PTPRF: variants seen among roughly 807,000 people sequenced by gnomAD.
PTPRF encodes the protein receptor-type tyrosine-protein phosphatase F.
PTPRF carries 59 observed loss-of-function variants against 201.8 expected under a neutral mutation model. The observed-to-expected ratio is 0.29, with a 90% CI of 0.24 to 0.36. The LOEUF (loss-of-function observed/expected upper bound fraction) is 0.36. Ranked by LOEUF, PTPRF falls within the 10% of genes least tolerant of loss-of-function variation. PTPRF has a pLI of 1.00. For synonymous variants in PTPRF, 1,088 were observed against 1,089.7 expected, an observed-to-expected ratio of 1.00 and a Z score of 0.03; for missense variants, 2,132 against 2,690.5, an observed-to-expected ratio of 0.79 and a Z score of 4.59.
intron 33 of PTPRF, 111 bp from the exon 34 acceptor site, chr1:43,621,824 A>G (rs1659283049): frequency 9.4e-7 from 1 of 1,068,804 alleles, no homozygotes; most frequent in Admixed American, 1.9e-5. Context: ...AGGGTCCAGC[A>G]CCTGCTCTTG....
chr1:43,576,400 G>A (rs568102095), intron 6 of PTPRF, among the ~76,000 whole-genome samples: 1 of 152,208 alleles, frequency 6.6e-6, no homozygotes, highest in Non-Finnish European at 1.5e-5. Context: ...GTAGAATGAG[G>A]ATCATCCCTT....
chr1:43,524,071 A>G (rs1191216022), upstream of PTPRF, among the ~76,000 whole-genome samples: 1 of 142,040 alleles, frequency 7.0e-6, no homozygotes, highest in African/African-American at 2.5e-5. Context: ...AAAAAAAAAA[A>G]AAAGGAAGAA....
chr1:43,606,823 G>A lies in PTPRF; in HGVS notation c.3712G>A (p.Ala1238Thr), dbSNP rs199960147. The A allele has an allele frequency of 2.2e-4, 352 of 1,613,490 alleles. No individual in the cohort carries two copies. The highest frequency in any genetic ancestry group is 2.9e-4 in the Non-Finnish European group (341 of 1,179,908). The part of the protein sequence containing the change: ...LKEPMDQKRY[A>T]SSPYSDEIVV... ...CTCCACCGGGCCACAGAAGCGCTAT[G>A]CCTCCAGCCCCTACTCGGATGAGAT... The change falls in exon 21 of 34, where the codon GCC becomes ACC. Residue 1238 changes from alanine (A) to threonine (T), a missense_variant. Physicochemically the swap from Ala to Thr is moderately conservative, Grantham distance 58 (BLOSUM62 0). Transcript: ENST00000359947.
At chr1:43,600,429 C>G (rs1653468088) in intron 13 of PTPRF, among the ~76,000 whole-genome samples, 1 of 150,912 alleles carries the variant, frequency 6.6e-6, no homozygotes, top group Non-Finnish European at 1.5e-5. Flanking sequence ...GTCTGGGCTC[C>G]CGGAGGACAC....
intron 20 of PTPRF, 71 bp downstream of exon 20, chr1:43,606,529 A>T: frequency 7.1e-7 from 1 of 1,418,278 alleles, no homozygotes; most frequent in Non-Finnish European, 9.7e-7. Flanking sequence ...GCCAGTCTCA[A>T]ACACCACAAG....
Position 43,533,021 on chromosome 1 carries a change from T to C in PTPRF, c.-126+1931T>C, listed in dbSNP as rs145403753. 1.6e-4 allele frequency among the ~76,000 whole-genome samples: 24 copies of C among 152,366 alleles called. No individual in the cohort carries two copies. In the South Asian group the frequency reaches 3.3e-3, roughly 21 times the overall value. On this transcript the variant is annotated intron_variant, in intron 1 of 33. Transcript: ENST00000359947. ...CATGCACAGTCATCCTTGTGTATTT[T>C]TGTATATGCACTTTCTTGCACATTT...
At chr1:43,561,540 A>C (rs949533484) in intron 5 of PTPRF, among the ~76,000 whole-genome samples, 1 of 152,142 alleles carries the variant, frequency 6.6e-6, no homozygotes, top group Non-Finnish European at 1.5e-5. Flanking sequence ...TTTGCAGCAC[A>C]GAGGATGTAG....
At chr1:43,605,080 G>A in intron 17 of PTPRF, 80 bp downstream of exon 17, 1 of 1,577,344 alleles carries the variant, frequency 6.3e-7, no homozygotes, top group South Asian at 1.1e-5. Flanking sequence ...TAACCCATGT[G>A]CATCCGGCTG....
chr1:43,592,082 T>A, intron 10 of PTPRF, 134 bp downstream of exon 10: 1 of 1,255,292 alleles, frequency 8.0e-7, no homozygotes. Flanking sequence ...GCTGGAGGCT[T>A]AGTGGTGCAT....
At chr1:43,618,388 C>T (rs903034270) in intron 25 of PTPRF, among the ~76,000 whole-genome samples, 2 of 152,184 alleles carry the variant, frequency 1.3e-5, no homozygotes, top group African/African-American at 4.8e-5. Context: ...CTGGTGCGAT[C>T]TGGCGTTGAA....
At chr1:43,559,893 C>CTGTG (rs61725582) in intron 5 of PTPRF, among the ~76,000 whole-genome samples, 3 of 143,988 alleles carry the variant, frequency 2.1e-5, no homozygotes, top group African/African-American at 7.8e-5. Flanking sequence ...ATGTATCAGG[C>CTGTG]TGTGTGTGTG....
At chr1:43,611,021 G>A (rs1215897601) in intron 22 of PTPRF, among the ~76,000 whole-genome samples, 2 of 152,252 alleles carry the variant, frequency 1.3e-5, no homozygotes, top group Non-Finnish European at 2.9e-5. Context: ...GCTCTGGCCT[G>A]TTATGGATAC....
chr1:43,592,978 G>T (rs763529336), intron 11 of PTPRF, among the ~76,000 whole-genome samples: 3 of 152,152 alleles, frequency 2.0e-5, no homozygotes, highest in Non-Finnish European at 4.4e-5. Context: ...TGCTTTGGCG[G>T]CTGTTTCTCC....
In PTPRF at chr1:43,553,977, G is replaced by T; in HGVS notation, c.379+36G>T. 6.2e-7 allele frequency: 1 copy of T among 1,608,748 alleles called. No individual in the cohort carries two copies. The highest frequency in any genetic ancestry group is 1.1e-5 in the South Asian group (1 of 90,660). ...GGGAGACGTGGCACGGTGGGCTGCC[G>T]GGCTGAGGCGTGGGAAGAGCCAGCC... is the stretch of plus-strand genomic sequence containing the variant. On this transcript the variant is annotated intron_variant, in intron 5 of 33. Coordinates refer to ENST00000359947, the MANE Select transcript of PTPRF (RefSeq NM_002840.5). The surrounding 1 kb of genome is among the most constrained non-coding windows in gnomAD (Gnocchi z 4.1).
At chr1:43,598,452 A>C (rs1570491984) in intron 12 of PTPRF, 1 of 514,546 alleles carries the variant, frequency 1.9e-6, no homozygotes, top group Non-Finnish European at 3.4e-6. Flanking sequence ...CTGGTGCCCC[A>C]CCTCCACCTG....
upstream of PTPRF, chr1:43,528,678 T>C (rs960209412): frequency 3.3e-5 from 5 of 152,160 alleles, no homozygotes; most frequent in African/African-American, 1.2e-4. Flanking sequence ...GATTGGACAG[T>C]GGTGCAGGAG....
intron 29 of PTPRF, 58 bp downstream of exon 29, chr1:43,619,916 CTGGTGGGGG>C (rs1658784230): frequency 6.3e-7 from 1 of 1,589,258 alleles, no homozygotes; most frequent in Non-Finnish European, 8.6e-7. Flanking sequence ...CTGTGCCTGG[CTGGTGGGGG>C]TGGGCAGCAG....
At position 43,619,496 on chromosome 1, in the gene PTPRF, A is replaced by T. The variant is rs202169828; in HGVS notation, c.4855A>T (p.Asn1619Tyr). The change falls in exon 28 of 34, where the codon AAC becomes TAC. Residue 1619 changes from asparagine (N) to tyrosine (Y), a missense_variant. Asn to Tyr is a moderately radical substitution (Grantham distance 143). Transcript: ENST00000359947. The part of the protein sequence containing the change: ...TCGHTEVPAR[N>Y]LYAHIQKLGQ... ...CGGCCACACAGAGGTGCCTGCCCGC[A>T]ACCTGTATGCCCACATCCAGAAGCT... 5.5e-5 allele frequency: 88 copies of T among 1,613,906 alleles called. No homozygotes were observed. Among genetic ancestry groups the T allele is most frequent in the Non-Finnish European group, 7.2e-5 (85 of 1,180,040 alleles).
Position 43,569,586 on chromosome 1 carries a change from G to A in PTPRF, c.380-4G>A, listed in dbSNP as rs1646431539. On this transcript the variant is annotated splice_polypyrimidine_tract_variant and splice_region_variant and intron_variant, in intron 5 of 33. Transcript: ENST00000359947. Reference sequence around the variant, plus strand: ...CTAATACACACATTGCTGTTTGTCTGCAGAGGAACAGCTGCCCCCTGGGTT... The same window carrying A: ...CTAATACACACATTGCTGTTTGTCTACAGAGGAACAGCTGCCCCCTGGGTT... 4 of 1,598,564 alleles carry A rather than the reference G, an allele frequency of 2.5e-6. No homozygotes were observed. The highest frequency in any genetic ancestry group is 2.2e-5 in the East Asian group (1 of 44,658).
Sources: allele counts gnomAD v4.1 joint callset (sites outside exome capture counted in the v4.1 genomes callset), GRCh38; gene constraint gnomAD v4.1.1; non-coding constraint Gnocchi (gnomAD v3.1); transcripts MANE v1.5; gene names NCBI Gene and HGNC (gene_info 2026-07-23, HGNC 2026-07-21).